Variants in ADCY2 observed in about 807,000 individuals in gnomAD.
ADCY2 encodes the protein adenylate cyclase 2.
In ADCY2, 31 loss-of-function variants were observed where a neutral mutation model predicts 125.2. The observed-to-expected ratio is 0.25, with a 90% CI of 0.19 to 0.33. The LOEUF is 0.33. Among genes scored for constraint, ADCY2 ranks in the 10% least tolerant of loss-of-function variants. The probability of loss-of-function intolerance (pLI) is 1.00; values close to 1 mark genes in which losing one functional copy is unlikely to be tolerated. For missense variants in ADCY2, 904 were observed against 1,418.2 expected, an observed-to-expected ratio of 0.64 and a Z score of 5.82; for synonymous variants, 512 against 548.4, an observed-to-expected ratio of 0.93 and a Z score of 0.93.
At chr5:7,496,427 A>G (rs1245156598) in intron 2 of ADCY2, among the ~76,000 whole-genome samples, 2 of 152,200 alleles carry the variant, frequency 1.3e-5, no homozygotes, top group African/African-American at 4.8e-5. Flanking sequence ...GAGAAAAATG[A>G]AAGTATACAG....
chr5:7,538,633 A>T (rs1734895410), intron 3 of ADCY2, among the ~76,000 whole-genome samples: 1 of 152,058 alleles, frequency 6.6e-6, no homozygotes, highest in African/African-American at 2.4e-5. Context: ...ATACATTTAA[A>T]CATCAAGCAA....
At chr5:7,773,774 G>A (rs1295994105) in intron 18 of ADCY2, among the ~76,000 whole-genome samples, 1 of 152,172 alleles carries the variant, frequency 6.6e-6, no homozygotes, top group Non-Finnish European at 1.5e-5. Context: ...AAGCCTAGAT[G>A]CAGCAAGAAT....
intron 2 of ADCY2, among the ~76,000 whole-genome samples, chr5:7,451,968 A>G (rs769726632): frequency 5.3e-5 from 8 of 152,042 alleles, no homozygotes; most frequent in African/African-American, 1.9e-4. Context: ...CTGGAGTGCA[A>G]TGGCACATCT....
At chr5:7,594,542 TG>T (rs1181707689) in intron 3 of ADCY2, among the ~76,000 whole-genome samples, 1 of 152,212 alleles carries the variant, frequency 6.6e-6, no homozygotes, top group Non-Finnish European at 1.5e-5. Context: ...CAGGAACTCT[TG>T]TGTGACCCTC....
intron 4 of ADCY2, among the ~76,000 whole-genome samples, chr5:7,657,512 T>C (rs964469922): frequency 9.9e-5 from 15 of 152,114 alleles, no homozygotes; most frequent in African/African-American, 3.6e-4. Context: ...TGGCTCTCCA[T>C]TCCCAAGCCA....
At chr5:7,699,081 A>ATTT (rs561359357) in intron 7 of ADCY2, among the ~76,000 whole-genome samples, 1,168 of 37,950 alleles carry the variant, frequency 0.031, 357 homozygotes, top group Admixed American at 0.092. Flanking sequence ...AACAGTAAGC[A>ATTT]TTTTTTTTTT....
At chr5:7,405,372 G>A (rs1443061519) in intron 1 of ADCY2, among the ~76,000 whole-genome samples, 1 of 149,628 alleles carries the variant, frequency 6.7e-6, no homozygotes, top group Non-Finnish European at 1.5e-5. Flanking sequence ...AGGTTTCCCA[G>A]TTGATCTCTG....
chr5:7,663,877 C>G (rs575397407), intron 4 of ADCY2, among the ~76,000 whole-genome samples: 37 of 152,110 alleles, frequency 2.4e-4, no homozygotes, highest in Non-Finnish European at 4.9e-4. Flanking sequence ...CTGTGCTATA[C>G]GGGAAATTTT....
In ADCY2 at chr5:7,693,166, T is replaced by G. The variant is rs76832632; in HGVS notation, c.869+2327T>G. ...AGTTCATTCTTCTTCCTATCTCCCA[T>G]GTCTGTCCACTTCTATTTCAGCACA... On this transcript the variant is annotated intron_variant, in intron 5 of 24. Coordinates refer to ENST00000338316, the MANE Select transcript of ADCY2 (RefSeq NM_020546.3). 3.6e-4 allele frequency among the ~76,000 whole-genome samples: 55 copies of G among 152,262 alleles called. 2 individuals are homozygous for G. The East Asian group carries it at 0.01, about 28-fold the overall frequency.
intron 2 of ADCY2, among the ~76,000 whole-genome samples, chr5:7,474,090 A>G (rs551325920): frequency 6.6e-6 from 1 of 152,322 alleles, no homozygotes; most frequent in Non-Finnish European, 1.5e-5. Flanking sequence ...AGTTCAAGGA[A>G]TGGTATGAAT....
intron 4 of ADCY2, among the ~76,000 whole-genome samples, chr5:7,666,060 G>C (rs563261450): frequency 1.5e-4 from 22 of 151,240 alleles, no homozygotes; most frequent in Admixed American, 2.6e-4. Context: ...GGATGGTCTC[G>C]ATCTCCTGAC....
chr5:7,563,327 G>T (rs1735783342), intron 3 of ADCY2, among the ~76,000 whole-genome samples: 1 of 152,158 alleles, frequency 6.6e-6, no homozygotes, highest in Non-Finnish European at 1.5e-5. Context: ...AAAATATGCA[G>T]AGGAAACTAG....
Position 7,816,926 on chromosome 5 carries a change from G to A in ADCY2, c.2944G>A (p.Gly982Arg). The change falls in exon 23 of 25, where the codon GGG becomes AGG. Residue 982 changes from glycine to arginine, a missense_variant. Gly to Arg is a moderately radical substitution (Grantham distance 125). This residue lies in a region of ADCY2 where 181 missense variants were observed against 381.6 expected (regional missense o/e 0.47). Transcript: ENST00000338316. The stretch of plus-strand genomic sequence containing the variant: ...GGTGGAGTTTGCTTTTGCCCTGGTA[G>A]GGAAGCTGGATGCCATCAACAAGCA... ...TMVEFAFALV[G>R]KLDAINKHSF... 6.2e-7 allele frequency: 1 copy of A among 1,614,176 alleles called. No homozygotes were observed. Among genetic ancestry groups the A allele is most frequent in the Non-Finnish European group, 8.5e-7 (1 of 1,180,022 alleles).
At chr5:7,814,567 C>T (rs534054058) in intron 22 of ADCY2, among the ~76,000 whole-genome samples, 3 of 152,340 alleles carry the variant, frequency 2.0e-5, no homozygotes, top group Non-Finnish European at 2.9e-5. Flanking sequence ...CCCATGCACA[C>T]TCCTTATTAA....
chr5:7,455,749 T>C (rs1321781266), intron 2 of ADCY2, among the ~76,000 whole-genome samples: 1 of 147,122 alleles, frequency 6.8e-6, no homozygotes, highest in Non-Finnish European at 1.5e-5. Flanking sequence ...CAGTATGTGT[T>C]ATATAAAAAT....
At chr5:7,804,916 A>G (rs149479816) in intron 22 of ADCY2, among the ~76,000 whole-genome samples, 2 of 152,298 alleles carry the variant, frequency 1.3e-5, no homozygotes, top group African/African-American at 4.8e-5. Context: ...AGAAAAACCA[A>G]TCAGTAGCTG....
At chr5:7,798,455 G>A (rs75784710) in intron 20 of ADCY2, 2,424 of 152,342 alleles carry the variant, frequency 0.016, 68 homozygotes, top group African/African-American at 0.055. Context: ...TAGGAAGAGT[G>A]GAGGAGTGGT....
At chr5:7,786,424 T>C (rs1446054709) in intron 19 of ADCY2, among the ~76,000 whole-genome samples, 1 of 152,256 alleles carries the variant, frequency 6.6e-6, no homozygotes, top group Non-Finnish European at 1.5e-5. Context: ...GATTGGTTTA[T>C]TAAATGATAG....
At chr5:7,698,920 G>GTCAAA (rs976659443) in intron 7 of ADCY2, among the ~76,000 whole-genome samples, 1 of 151,934 alleles carries the variant, frequency 6.6e-6, no homozygotes, top group African/African-American at 2.4e-5. Context: ...GGACTGCTGG[G>GTCAAA]TCAAATGGTA....
Sources: allele counts gnomAD v4.1 joint callset (sites outside exome capture counted in the v4.1 genomes callset), GRCh38; gene constraint gnomAD v4.1.1; regional missense constraint gnomAD v4.1.1; transcripts MANE v1.5; gene names NCBI Gene and HGNC (gene_info 2026-07-23, HGNC 2026-07-21).